Variants in BANK1 observed in about 807,000 individuals in gnomAD.
BANK1 encodes the protein B cell scaffold protein with ankyrin repeats 1.
Under a neutral mutation model 94.5 loss-of-function variants are expected in BANK1, and 95 were observed. That is an observed-to-expected ratio of 1.00 (90% confidence interval 0.85 to 1.19). BANK1 has a LOEUF of 1.19. BANK1 is among the 50% of genes most tolerant of loss of function. BANK1 has a pLI of 0.00. For missense variants in BANK1, 987 were observed against 932.2 expected (o/e 1.06, Z -0.77); for synonymous variants, 334 against 308.4 (o/e 1.08, Z -0.87).
intron 13 of BANK1, among the ~76,000 whole-genome samples, chr4:102,069,558 T>A (rs1306558052): frequency 6.6e-6 from 1 of 152,230 alleles, no homozygotes; most frequent in African/African-American, 2.4e-5. Context: ...AAGTCAAATA[T>A]GCACTTACCA....
intron 5 of BANK1, among the ~76,000 whole-genome samples, chr4:101,876,446 C>G (rs1021563270): frequency 6.6e-6 from 1 of 152,172 alleles, no homozygotes; most frequent in African/African-American, 2.4e-5. Context: ...TTGTCCAAGA[C>G]CATCAAGGCA....
At chr4:101,839,911 A>G (rs2148867141) in intron 2 of BANK1, among the ~76,000 whole-genome samples, 1 of 127,880 alleles carries the variant, frequency 7.8e-6, no homozygotes, top group African/African-American at 2.9e-5. Flanking sequence ...TTTCCAAGAT[A>G]GCTACTATAT....
chr4:101,935,774 A>C (rs914635870), intron 7 of BANK1, among the ~76,000 whole-genome samples: 4 of 151,500 alleles, frequency 2.6e-5, no homozygotes, highest in Non-Finnish European at 5.9e-5. Flanking sequence ...TCTACAGTGA[A>C]CTCATTTTTC....
intron 5 of BANK1, among the ~76,000 whole-genome samples, chr4:101,876,103 C>G (rs1728480721): frequency 6.6e-6 from 1 of 152,130 alleles, no homozygotes; most frequent in South Asian, 2.1e-4. Flanking sequence ...AATAGGGAAC[C>G]CACTGCCTTG....
At chr4:101,826,380 A>C (rs1220990912) in intron 1 of BANK1, among the ~76,000 whole-genome samples, 1 of 152,060 alleles carries the variant, frequency 6.6e-6, no homozygotes, top group Non-Finnish European at 1.5e-5. Context: ...CATCTGTAAA[A>C]TGAGGAAAAC....
At chr4:102,045,998 C>T (rs1390371506) in intron 11 of BANK1, among the ~76,000 whole-genome samples, 1 of 146,980 alleles carries the variant, frequency 6.8e-6, no homozygotes, top group Non-Finnish European at 1.5e-5. Flanking sequence ...AATCCTAAGC[C>T]AAAAGAACAA....
chr4:102,056,079 A>G (rs978703909), intron 11 of BANK1, among the ~76,000 whole-genome samples: 2 of 152,188 alleles, frequency 1.3e-5, no homozygotes, highest in Non-Finnish European at 2.9e-5. Flanking sequence ...AAAGGTTTAG[A>G]TTATAAAATT....
At chr4:101,988,642 A>G (rs1246117041) in intron 7 of BANK1, among the ~76,000 whole-genome samples, 7 of 152,216 alleles carry the variant, frequency 4.6e-5, no homozygotes, top group African/African-American at 1.7e-4. Context: ...TGTTCATCAC[A>G]GTCTCTAAAT....
At chr4:102,021,383 G>A in intron 7 of BANK1, 131 bp from the exon 8 acceptor site, 1 of 371,270 alleles carries the variant, frequency 2.7e-6, no homozygotes, top group Non-Finnish European at 5.0e-6. Flanking sequence ...TTTATAGATG[G>A]CACAAATATA....
intron 6 of BANK1, among the ~76,000 whole-genome samples, chr4:101,912,060 C>T (rs1443811026): frequency 6.6e-6 from 1 of 152,128 alleles, no homozygotes; most frequent in African/African-American, 2.4e-5. Flanking sequence ...CACATACACA[C>T]ACACACAGAG....
intron 1 of BANK1, among the ~76,000 whole-genome samples, chr4:101,793,669 T>A (rs185231584): frequency 3.3e-5 from 5 of 152,304 alleles, no homozygotes; most frequent in Admixed American, 3.3e-4. Flanking sequence ...TGACCTTGAA[T>A]AAATAATGAA....
chr4:101,939,557 A>C (rs1723674573), intron 7 of BANK1, among the ~76,000 whole-genome samples: 1 of 151,686 alleles, frequency 6.6e-6, no homozygotes, highest in Non-Finnish European at 1.5e-5. Context: ...GGGAGTAGAG[A>C]GACAGAGGTT....
intron 8 of BANK1, 125 bp downstream of exon 8, chr4:102,021,717 C>G (rs1726907917): frequency 2.6e-6 from 1 of 383,624 alleles, no homozygotes; most frequent in Non-Finnish European, 4.7e-6. Context: ...ATTTAATTAA[C>G]TGATTGGCTT....
At chr4:101,792,464 TGTGTG>T (rs756649644) in intron 1 of BANK1, among the ~76,000 whole-genome samples, 13 of 97,624 alleles carry the variant, frequency 1.3e-4, no homozygotes, top group Non-Finnish European at 2.4e-4. Context: ...TGTGTGTGTG[TGTGTG>T]TTTTTTTTTT....
chr4:102,039,738 C>T (rs1006301902), intron 10 of BANK1, among the ~76,000 whole-genome samples: 10 of 152,068 alleles, frequency 6.6e-5, no homozygotes, highest in African/African-American at 2.4e-4. Context: ...TGCACCCTCA[C>T]GACTTGGCCA....
intron 1 of BANK1, among the ~76,000 whole-genome samples, chr4:101,807,614 G>A (rs955067549): frequency 1.3e-5 from 2 of 152,212 alleles, no homozygotes; most frequent in Admixed American, 6.5e-5. Flanking sequence ...ACAAAGTTTT[G>A]TTAGCAGCAG....
intron 2 of BANK1, among the ~76,000 whole-genome samples, chr4:101,832,995 T>A (rs753176597): frequency 1.3e-5 from 2 of 152,118 alleles, no homozygotes; most frequent in Non-Finnish European, 2.9e-5. Context: ...TCTTTTTTTT[T>A]TGAGACGGAG....
chr4:101,904,299 T>G (rs1339824405), intron 6 of BANK1, among the ~76,000 whole-genome samples: 1 of 152,200 alleles, frequency 6.6e-6, no homozygotes, highest in Non-Finnish European at 1.5e-5. Flanking sequence ...CTTAAGTCAG[T>G]TAACATTCTC....
intron 4 of BANK1, among the ~76,000 whole-genome samples, chr4:101,868,244 T>C (rs567598855): frequency 2.4e-4 from 37 of 152,016 alleles, no homozygotes; most frequent in Non-Finnish European, 4.6e-4. Context: ...AATATTCAAA[T>C]ATTAATGACA....
Sources: allele counts gnomAD v4.1 joint callset (sites outside exome capture counted in the v4.1 genomes callset), GRCh38; gene constraint gnomAD v4.1.1; transcripts MANE v1.5; gene names NCBI Gene and HGNC (gene_info 2026-07-23, HGNC 2026-07-21).